The following CTNNBL1 variants were observed in gnomAD, a reference collection of about 807,000 sequenced individuals.
The protein encoded by CTNNBL1 is beta-catenin-like protein 1.
A neutral mutation model predicts 72.7 loss-of-function variants in CTNNBL1; 31 were observed. The ratio of observed to expected loss-of-function variants is 0.43; its 90% CI spans 0.32 to 0.58. CTNNBL1 has a LOEUF of 0.58. CTNNBL1 is among the 20% of genes least tolerant of loss of function. The pLI, the probability that CTNNBL1 is intolerant of heterozygous loss-of-function variation, is 0.08. For missense variants in CTNNBL1, 534 were observed against 725.1 expected (o/e 0.74, Z 3.03); for synonymous variants, 240 against 267.3 (o/e 0.90, Z 1.00).
At chr20:37,725,868 C>T (rs1438423853) in intron 1 of CTNNBL1, among the ~76,000 whole-genome samples, 1 of 151,906 alleles carries the variant, frequency 6.6e-6, no homozygotes, top group Non-Finnish European at 1.5e-5. Flanking sequence ...CCTGTAGTCC[C>T]AGCTACTTAG....
chr20:37,694,369 C>T (rs928662330), intron 1 of CTNNBL1, among the ~76,000 whole-genome samples: 3 of 152,230 alleles, frequency 2.0e-5, no homozygotes, highest in Non-Finnish European at 4.4e-5. Flanking sequence ...TTCACCTCCT[C>T]TTCCTCACCC....
At chr20:37,786,077 T>C (rs1249218451) in intron 10 of CTNNBL1, among the ~76,000 whole-genome samples, 5 of 152,234 alleles carry the variant, frequency 3.3e-5, no homozygotes, top group Non-Finnish European at 5.9e-5. Flanking sequence ...GAAACTCTTG[T>C]TCTCTTCCCT....
At chr20:37,694,176 G>A (rs2072767944) in intron 1 of CTNNBL1, 24 bp downstream of exon 1, 1 of 1,581,046 alleles carries the variant, frequency 6.3e-7, no homozygotes, top group Non-Finnish European at 8.6e-7. Context: ...GGAGGGCCGA[G>A]CGACCGCGTT....
chr20:37,837,685 T>G (rs536451154), intron 11 of CTNNBL1, among the ~76,000 whole-genome samples: 1 of 152,320 alleles, frequency 6.6e-6, no homozygotes, highest in African/African-American at 2.4e-5. Flanking sequence ...TGAAGGCATT[T>G]GAAACATATC....
chr20:37,825,567 C>T (rs140125445), intron 11 of CTNNBL1, among the ~76,000 whole-genome samples: 3,988 of 151,942 alleles, frequency 0.026, 194 homozygotes, highest in Admixed American at 0.13. Flanking sequence ...CTCAGTTGCT[C>T]GGGAGGCTGA....
In CTNNBL1 at chr20:37,784,419, G is replaced by C. The variant is rs144172023; in HGVS notation, c.1031+5084G>C. 3.3e-3 allele frequency among the ~76,000 whole-genome samples: 494 copies of C among 151,910 alleles called. 7 individuals carry two copies. Among genetic ancestry groups the C allele is most frequent in the African/African-American group, 0.011 (445 of 41,450 alleles). On this transcript the variant is annotated intron_variant, in intron 10 of 15. Transcript: ENST00000361383. ...ATTTGTTTTCTGGTTGTTTTGTGGT[G>C]TTTCCTTCTCTTTGTGAAGGTGATT...
At position 37,794,702 on chromosome 20, in the gene CTNNBL1, A is replaced by T. The variant is rs565745137; in HGVS notation, c.1032-8165A>T. On this transcript the variant is annotated intron_variant, in intron 10 of 15. Coordinates refer to ENST00000361383, the MANE Select transcript of CTNNBL1 (RefSeq NM_030877.5). ...CTTTAAGTAGAGACGGGGTCTCACC[A>T]TGTTGGCCAGGGCGGTCTTGAACTC... Among the ~76,000 whole-genome samples the T allele has an allele frequency of 1.5e-3, 223 of 150,584 alleles. 1 individual carries two copies. Among genetic ancestry groups the T allele is most frequent in the Middle Eastern group, 6.8e-3 (2 of 292 alleles).
At chr20:37,802,772 A>G in intron 10 of CTNNBL1, 95 bp from the exon 11 acceptor site, 3 of 931,942 alleles carry the variant, frequency 3.2e-6, no homozygotes, top group Non-Finnish European at 4.9e-6. Flanking sequence ...TTCCATTTAG[A>G]TGTATAATGT....
chr20:37,714,207 T>A (rs1309448371), intron 1 of CTNNBL1, among the ~76,000 whole-genome samples: 1 of 152,236 alleles, frequency 6.6e-6, no homozygotes, highest in Non-Finnish European at 1.5e-5. Context: ...ACTTTTCTTA[T>A]TGGACTGTGA....
intron 1 of CTNNBL1, among the ~76,000 whole-genome samples, chr20:37,702,562 G>A (rs948693061): frequency 6.6e-6 from 1 of 152,094 alleles, no homozygotes; most frequent in Non-Finnish European, 1.5e-5. Flanking sequence ...GTTACTTTTT[G>A]TTGGAAGTGT....
intron 2 of CTNNBL1, among the ~76,000 whole-genome samples, chr20:37,736,787 G>A (rs2073175084): frequency 6.6e-6 from 1 of 152,092 alleles, no homozygotes; most frequent in Admixed American, 6.5e-5. Flanking sequence ...CTCCTGAAGT[G>A]CTGAAGTGCC....
intron 7 of CTNNBL1, among the ~76,000 whole-genome samples, chr20:37,771,334 A>G (rs1320858748): frequency 1.3e-5 from 2 of 152,046 alleles, no homozygotes; most frequent in African/African-American, 4.8e-5. Flanking sequence ...CTAATGTACA[A>G]CTCTCACTAA....
intron 1 of CTNNBL1, among the ~76,000 whole-genome samples, chr20:37,718,108 C>T (rs2122570765): frequency 6.6e-6 from 1 of 152,300 alleles, no homozygotes; most frequent in Admixed American, 6.5e-5. Flanking sequence ...GGCCCGCTCT[C>T]AATGAGCTGT....
At chr20:37,850,214 G>T (rs1282378424) in intron 13 of CTNNBL1, among the ~76,000 whole-genome samples, 1 of 151,942 alleles carries the variant, frequency 6.6e-6, no homozygotes, top group African/African-American at 2.4e-5. Context: ...TTTAGCGGGG[G>T]ATGTAAATTT....
At chr20:37,695,246 C>T (rs911724788) in intron 1 of CTNNBL1, among the ~76,000 whole-genome samples, 5 of 152,116 alleles carry the variant, frequency 3.3e-5, no homozygotes, top group Non-Finnish European at 7.3e-5. Flanking sequence ...CTTGCTCTGT[C>T]GCCCATGCTG....
intron 11 of CTNNBL1, among the ~76,000 whole-genome samples, chr20:37,821,283 C>T (rs1003619979): frequency 6.6e-6 from 1 of 152,216 alleles, no homozygotes; most frequent in Non-Finnish European, 1.5e-5. Context: ...GGTTGGCTTG[C>T]TTGTTTCCAC....
At chr20:37,716,458 C>T (rs1439872270) in intron 1 of CTNNBL1, among the ~76,000 whole-genome samples, 1 of 152,110 alleles carries the variant, frequency 6.6e-6, no homozygotes, top group Non-Finnish European at 1.5e-5. Context: ...GGAAGTATTT[C>T]TGACACTGAA....
At chr20:37,809,739 A>G (rs1279053351) in intron 11 of CTNNBL1, among the ~76,000 whole-genome samples, 1 of 152,192 alleles carries the variant, frequency 6.6e-6, no homozygotes, top group Non-Finnish European at 1.5e-5. Context: ...ATTTCAAATT[A>G]TAGAAGTTAT....
intron 13 of CTNNBL1, among the ~76,000 whole-genome samples, chr20:37,853,931 C>T (rs557448570): frequency 6.6e-6 from 1 of 152,352 alleles, no homozygotes; most frequent in African/African-American, 2.4e-5. Flanking sequence ...TTCTATGGCA[C>T]TTCTAAAACT....
Sources: gnomAD v4.1 joint callset for allele counts (sites outside exome capture counted in the v4.1 genomes callset) on GRCh38, gnomAD v4.1.1 for gene constraint, MANE v1.5 for transcripts, NCBI Gene and HGNC (gene_info 2026-07-23, HGNC 2026-07-21) for gene names.